The following DDX23 variants were observed in gnomAD, a reference collection of about 807,000 sequenced individuals.
DDX23 encodes probable ATP-dependent RNA helicase DDX23.
In DDX23, 33 loss-of-function variants were observed where a neutral mutation model predicts 102.7. The observed-to-expected ratio is 0.32, with a 90% CI of 0.24 to 0.43. DDX23 has a LOEUF of 0.43. Among genes scored for constraint, DDX23 ranks in the 20% least tolerant of loss-of-function variants. DDX23 has a pLI of 1.00. For synonymous variants in DDX23, 352 were observed against 376.0 expected (o/e 0.94, Z 0.74); for missense variants, 549 against 1,086.6 (o/e 0.51, Z 6.96).
At chr12:48,850,191 C>T (rs1010207383) in intron 1 of DDX23, among the ~76,000 whole-genome samples, 1 of 152,024 alleles carries the variant, frequency 6.6e-6, no homozygotes, top group African/African-American at 2.4e-5. Context: ...GTTCTAGGAA[C>T]GTGGCGATGG....
chr12:48,834,344 G>A lies in DDX23; in HGVS notation c.1536C>T (p.Gly512=). Residue 512 remains glycine (G), a synonymous_variant, in exon 12 of 17, where the codon GGC becomes GGT. Coordinates refer to ENST00000308025, the MANE Select transcript of DDX23 (RefSeq NM_004818.3). ...VIGGISREDQ[G]FRLRMGCEIV... ...CCTCACAACCCATGCGCAGCCTGAA[G>A]CCCTGGTCTTCTCTGGAGATGCCAC... The A allele has an allele frequency of 2.5e-6, 4 of 1,614,026 alleles. No homozygotes were observed. The highest frequency in any genetic ancestry group is 3.4e-6 in the Non-Finnish European group (4 of 1,179,998).
chr12:48,833,457 G>A lies in DDX23; in HGVS notation c.1623C>T (p.Ser541=). ...DVLENRYLVL[S]RCTYVVLDEA... is the part of the protein sequence containing the mutation. Reference sequence around the variant, plus strand: ...CATCCAGAACCACATAGGTACAGCGGCTCAGCACCAGGTAGCGGTTCTCCA... The same window carrying A: ...CATCCAGAACCACATAGGTACAGCGACTCAGCACCAGGTAGCGGTTCTCCA... The change falls in exon 13 of 17, where the codon AGC becomes AGT. Residue 541 remains serine (S), a synonymous_variant. Transcript: ENST00000308025. The A allele has an allele frequency of 6.2e-7, 1 of 1,614,152 alleles. No individual in the cohort carries two copies. The highest frequency in any genetic ancestry group is 8.5e-7 in the Non-Finnish European group (1 of 1,180,040).
rs959957974 is a variant in DDX23 at position 48,832,875 on chromosome 12, C to T, written c.1804-302G>A. On this transcript the variant is annotated intron_variant, in intron 13 of 16. Coordinates refer to ENST00000308025, the MANE Select transcript of DDX23 (RefSeq NM_004818.3). The surrounding 1 kb of genome is among the most constrained non-coding windows in gnomAD (Gnocchi z 4.4). ...CAGGGCTAAGCTAAATGGCTCCACC[C>T]TTAGGACTGTCAGAGGACTGTACCT... The T allele has an allele frequency of 4.4e-5, 21 of 475,244 alleles. No homozygotes were observed. The East Asian group carries it at 7.8e-4, about 18-fold the overall frequency. The allele number at this position is 475,244 out of a possible 1,614,324, so 29.4% of individuals were successfully genotyped here.
At chr12:48,842,484 T>G (rs1306662404) in intron 3 of DDX23, among the ~76,000 whole-genome samples, 1 of 118,680 alleles carries the variant, frequency 8.4e-6, no homozygotes, top group East Asian at 2.8e-4. Flanking sequence ...AGCCACCCCG[T>G]CCGGGAGGAA....
chr12:48,842,003 G>A (rs1421744398), intron 3 of DDX23, among the ~76,000 whole-genome samples: 3 of 149,878 alleles, frequency 2.0e-5, no homozygotes, highest in Admixed American at 2.0e-4. Context: ...CGCCCCGTCT[G>A]AGAAGTGAGG....
chr12:48,851,920 G>A (rs145847729), intron 1 of DDX23, among the ~76,000 whole-genome samples, 164 bp downstream of exon 1: 162 of 152,344 alleles, frequency 1.1e-3, no homozygotes, highest in Middle Eastern at 0.01. Flanking sequence ...ACTACCCCTG[G>A]GGCCCGCGCC....
In DDX23 at chr12:48,830,472, G is replaced by A. The variant is rs1343165921; in HGVS notation, c.2460C>T (p.Ala820=). 1 of 1,614,030 alleles carries A rather than the reference G, an allele frequency of 6.2e-7. No homozygotes were observed. The highest frequency in any genetic ancestry group is 8.5e-7 in the Non-Finnish European group (1 of 1,179,960). Reference sequence around the variant, plus strand: ...AGCCCACAGGAAGAGTGCTGTGTCAGGCAAAGATGGTCTCTTCCCGGCGCT... The same window carrying A: ...AGCCCACAGGAAGAGTGCTGTGTCAAGCAAAGATGGTCTCTTCCCGGCGCT... ...TKKRREETIF[A] is the part of the protein sequence containing the mutation. The change falls in exon 17 of 17, where the codon GCC becomes GCT. Residue 820 remains alanine (A), a synonymous_variant. Coordinates refer to ENST00000308025, the MANE Select transcript of DDX23 (RefSeq NM_004818.3). The surrounding 1 kb of genome is among the most constrained non-coding windows in gnomAD (Gnocchi z 4.9).
At chr12:48,842,104 C>T (rs535254031) in intron 3 of DDX23, among the ~76,000 whole-genome samples, 3 of 152,072 alleles carry the variant, frequency 2.0e-5, no homozygotes, top group Admixed American at 2.0e-4. Context: ...AGCCCCTCCG[C>T]CTGGCAGCCA....
At chr12:48,839,744 AG>A in intron 5 of DDX23, 99 bp downstream of exon 5, 1 of 1,248,918 alleles carries the variant, frequency 8.0e-7, no homozygotes, top group South Asian at 1.3e-5. Context: ...TCCAGCCTCC[AG>A]AACTGTGAGA....
chr12:48,843,009 T>C (rs1385452969), intron 3 of DDX23, among the ~76,000 whole-genome samples: 2 of 150,314 alleles, frequency 1.3e-5, no homozygotes, highest in Admixed American at 1.3e-4. Context: ...CCCAACCCTG[T>C]GCTCTCTGAA....
intron 5 of DDX23, 74 bp downstream of exon 5, chr12:48,839,770 C>T: frequency 6.8e-7 from 1 of 1,475,402 alleles, no homozygotes; most frequent in Non-Finnish European, 9.3e-7. Flanking sequence ...TAACTTCTGT[C>T]GTTGAAGTCA....
At chr12:48,839,363 A>G (rs1053179333) in intron 5 of DDX23, 1 of 155,364 alleles carries the variant, frequency 6.4e-6, no homozygotes, top group Non-Finnish European at 1.4e-5. Flanking sequence ...GTTCGAGACC[A>G]GCCTGGACAA....
chr12:48,851,466 C>T (rs1938756922), intron 1 of DDX23, among the ~76,000 whole-genome samples: 1 of 151,218 alleles, frequency 6.6e-6, no homozygotes, highest in South Asian at 2.1e-4. Flanking sequence ...GAGCGAGACT[C>T]CGTCTCAAAA....
In DDX23 at chr12:48,844,046, G is replaced by T; in HGVS notation, c.214C>A (p.Arg72=). ...RSRSKSAERE[R]RHKERERDKE... ...TCTCGTTCTCGTTCTTTGTGCCGTC[G>T]TTCTCTGGAAGACCGCAAATTTAAG... Residue 72 remains arginine, a synonymous_variant, in exon 3 of 17, where the codon CGA becomes AGA. Transcript: ENST00000308025. 1 of 1,613,910 alleles carries T rather than the reference G, an allele frequency of 6.2e-7. No homozygotes were observed. The highest frequency in any genetic ancestry group is 8.5e-7 in the Non-Finnish European group (1 of 1,179,954).
At chr12:48,831,437 A>C in intron 15 of DDX23, 121 bp from the exon 16 acceptor site, 1 of 921,892 alleles carries the variant, frequency 1.1e-6, no homozygotes, top group African/African-American at 1.6e-5. Context: ...CGAGAAAGGA[A>C]AGGAAACAAG....
At chr12:48,844,569 G>A (rs768485839) in intron 2 of DDX23, among the ~76,000 whole-genome samples, 4 of 149,984 alleles carry the variant, frequency 2.7e-5, no homozygotes, top group Non-Finnish European at 5.9e-5. Flanking sequence ...ATGAGCCACC[G>A]CGCCCGGCCA....
rs1938395064 is a variant in DDX23, at chr12:48,832,009, A to G, written c.2064+69T>C. 2 of 1,428,118 alleles carry G rather than the reference A, an allele frequency of 1.4e-6. No individual in the cohort carries two copies. Among genetic ancestry groups the G allele is most frequent in the South Asian group, 2.3e-5 (2 of 86,718 alleles). The allele number at this position is 1,428,118 out of a possible 1,614,324, so 88.5% of individuals were successfully genotyped here. ...GGGTGAGACTTGAAAGGAAGAGCCTAGGGGGCCCTGCTAGATTCAGAAAGC... is the reference window on the plus strand; with the variant it reads ...GGGTGAGACTTGAAAGGAAGAGCCTGGGGGGCCCTGCTAGATTCAGAAAGC... On this transcript the variant is annotated intron_variant, in intron 15 of 16. Coordinates refer to ENST00000308025, the MANE Select transcript of DDX23 (RefSeq NM_004818.3). The surrounding 1 kb of genome is among the most constrained non-coding windows in gnomAD (Gnocchi z 4.4).
At chr12:48,834,552 C>A in intron 11 of DDX23, 55 bp from the exon 12 acceptor site, 1 of 1,532,148 alleles carries the variant, frequency 6.5e-7, no homozygotes, top group Non-Finnish European at 8.9e-7. Context: ...TATCCAACCA[C>A]AAGCCAGAGC....
chr12:48,831,995 G>C lies in DDX23; in HGVS notation c.2064+83C>G. ...ACAGGCTAAAGAAAGGGTGAGACTT[G>C]AAAGGAAGAGCCTAGGGGGCCCTGC... On this transcript the variant is annotated intron_variant, in intron 15 of 16. Transcript: ENST00000308025. The C allele has an allele frequency of 3.1e-6, 4 of 1,310,310 alleles. No homozygotes were observed. The South Asian group carries it at 3.7e-5, about 12-fold the overall frequency. 81.2% of individuals were successfully genotyped at this position (1,310,310 alleles called of 1,614,324 possible).
Sources: allele counts gnomAD v4.1 joint callset (sites outside exome capture counted in the v4.1 genomes callset), GRCh38; gene constraint gnomAD v4.1.1; non-coding constraint Gnocchi (gnomAD v3.1); transcripts MANE v1.5; gene names NCBI Gene and HGNC (gene_info 2026-07-23, HGNC 2026-07-21).